GALNT17: variants seen among roughly 807,000 people sequenced by gnomAD.
GALNT17 encodes the protein UDP-GalNAc:polypeptide N-acetylgalactosaminyltransferase-like 3.
In GALNT17, 29 loss-of-function variants were observed where a neutral mutation model predicts 63.7. That is an observed-to-expected ratio of 0.46 (90% CI 0.34 to 0.62). The LOEUF is 0.62. Ranked by LOEUF, GALNT17 falls within the 20% of genes least tolerant of loss-of-function variation. The pLI, the probability that GALNT17 is intolerant of heterozygous loss-of-function variation, is 0.01. For synonymous variants in GALNT17, 305 were observed against 318.3 expected, an observed-to-expected ratio of 0.96 and a Z score of 0.45; for missense variants, 603 against 799.6, an observed-to-expected ratio of 0.75 and a Z score of 2.97.
intron 1 of GALNT17, among the ~76,000 whole-genome samples, chr7:71,330,967 G>A (rs2116062858): frequency 6.6e-6 from 1 of 152,214 alleles, no homozygotes; most frequent in South Asian, 2.1e-4. Context: ...TGCTTGTCCT[G>A]ATGGCAGTGA....
chr7:71,691,910 CTCTT>C (rs1316882528), intron 9 of GALNT17, among the ~76,000 whole-genome samples: 2 of 149,022 alleles, frequency 1.3e-5, no homozygotes, highest in Non-Finnish European at 3.0e-5. Flanking sequence ...CTCTCTTTCT[CTCTT>C]TCTTTTTTTC....
At chr7:71,613,491 A>G (rs1209547134) in intron 6 of GALNT17, among the ~76,000 whole-genome samples, 2 of 152,150 alleles carry the variant, frequency 1.3e-5, no homozygotes, top group Admixed American at 1.3e-4. Flanking sequence ...CACTCTGCAG[A>G]CGTTTCAGCC....
rs770069964 is a variant in GALNT17 at position 71,414,983 on chromosome 7, C to CTCT, written c.590-905_590-904insCTT. On this transcript the variant is annotated intron_variant, in intron 3 of 10. Transcript: ENST00000333538. The stretch of plus-strand genomic sequence containing the variant: ...TGATTTTTATGCACACAAAGTATCA[C>CTCT]TTTTTTTTTTTAAATGCCTTTAGTT... Among the ~76,000 whole-genome samples the CTCT allele has an allele frequency of 3.3e-4, 39 of 117,534 alleles. 3 individuals carry two copies. In the East Asian group the frequency reaches 3.5e-3, roughly 10 times the overall value. 77.1% of individuals were successfully genotyped at this position (117,534 alleles called of 152,430 possible).
intron 5 of GALNT17, among the ~76,000 whole-genome samples, chr7:71,507,289 C>T (rs1027452127): frequency 1.3e-5 from 2 of 152,176 alleles, no homozygotes; most frequent in African/African-American, 4.8e-5. Context: ...ACCAAAAAGT[C>T]TACTGTTAAG....
At chr7:71,525,458 G>A (rs1021782437) in intron 5 of GALNT17, among the ~76,000 whole-genome samples, 1 of 151,918 alleles carries the variant, frequency 6.6e-6, no homozygotes, top group African/African-American at 2.4e-5. Context: ...TGCCCTCCTC[G>A]GCCTCCCAAA....
chr7:71,373,558 G>A (rs757791468), intron 2 of GALNT17, among the ~76,000 whole-genome samples: 2 of 152,246 alleles, frequency 1.3e-5, no homozygotes, highest in Admixed American at 6.5e-5. Context: ...GTGAGCAAGC[G>A]AAGCTTCACC....
At chr7:71,178,122 T>C (rs1029540183) in intron 1 of GALNT17, among the ~76,000 whole-genome samples, 1 of 152,098 alleles carries the variant, frequency 6.6e-6, no homozygotes, top group African/African-American at 2.4e-5. Flanking sequence ...ATTCTCTAAT[T>C]TTCTTTATTT....
Position 71,693,305 on chromosome 7 carries a change from C to CATATATATATATATAT in GALNT17, c.1500+16000_1500+16001insTATATATATATATATA, listed in dbSNP as rs1375479092. Among the ~76,000 whole-genome samples, 13 of 126,076 alleles carry CATATATATATATATAT rather than the reference C, an allele frequency of 1.0e-4. 1 individual carries two copies. The South Asian group carries it at 1.4e-3, about 14-fold the overall frequency. The allele number at this position is 126,076 out of a possible 152,430, so 82.7% of individuals were successfully genotyped here. A position where few individuals can be genotyped will look rare whatever the true frequency, so the allele number is the denominator to read the frequency against. On this transcript the variant is annotated intron_variant, in intron 9 of 10. Transcript: ENST00000333538. ...ACACACACACACACACACACACACACACACATATATATATATGGAGACAAG... is the reference window on the plus strand; with the variant it reads ...ACACACACACACACACACACACACACATATATATATATATATACACATATATATATATGGAGACAAG...
intron 5 of GALNT17, among the ~76,000 whole-genome samples, chr7:71,481,896 C>A (rs78146280): frequency 0.041 from 6,279 of 152,160 alleles, 146 homozygotes; most frequent in South Asian, 0.12. Flanking sequence ...CCGTCATTTC[C>A]CCTTCCTGGC....
intron 5 of GALNT17, among the ~76,000 whole-genome samples, chr7:71,472,508 G>A (rs188857113): frequency 7.9e-5 from 12 of 152,092 alleles, no homozygotes; most frequent in Non-Finnish European, 1.2e-4. Context: ...CCAACATGGT[G>A]AAACCCCGTG....
At chr7:71,666,108 C>T (rs78017483) in intron 7 of GALNT17, among the ~76,000 whole-genome samples, 7,671 of 152,092 alleles carry the variant, frequency 0.05, 295 homozygotes, top group East Asian at 0.16. Context: ...TGTATATTAG[C>T]GTGGTTTGAA....
intron 9 of GALNT17, among the ~76,000 whole-genome samples, chr7:71,683,825 T>A (rs570579967): frequency 3.9e-5 from 6 of 152,008 alleles, no homozygotes; most frequent in African/African-American, 1.4e-4. Flanking sequence ...CTGGCCAACA[T>A]GATGAAACCT....
At chr7:71,219,360 T>C (rs936801810) in intron 1 of GALNT17, among the ~76,000 whole-genome samples, 3 of 152,214 alleles carry the variant, frequency 2.0e-5, no homozygotes, top group African/African-American at 7.2e-5. Flanking sequence ...TGGTTTACTT[T>C]CTCAGAATCT....
intron 1 of GALNT17, among the ~76,000 whole-genome samples, chr7:71,194,126 G>A (rs552590118): frequency 9.2e-5 from 14 of 152,192 alleles, no homozygotes; most frequent in African/African-American, 3.4e-4. Context: ...GGTCACTGCA[G>A]CCTTGACCTC....
chr7:71,136,821 C>G (rs1252373730), intron 1 of GALNT17, among the ~76,000 whole-genome samples: 1 of 148,162 alleles, frequency 6.7e-6, no homozygotes, highest in East Asian at 2.0e-4. Context: ...GAGTCTCACT[C>G]TGTCACTCAG....
chr7:71,216,667 TAC>T (rs1464963003), intron 1 of GALNT17, among the ~76,000 whole-genome samples: 2 of 133,108 alleles, frequency 1.5e-5, no homozygotes, highest in Admixed American at 7.4e-5. Flanking sequence ...TACACATATA[TAC>T]ACACAGACAC....
intron 9 of GALNT17, among the ~76,000 whole-genome samples, chr7:71,700,532 G>A (rs1791616067): frequency 6.6e-6 from 1 of 152,068 alleles, no homozygotes; most frequent in Non-Finnish European, 1.5e-5. Context: ...ACTCCATCTA[G>A]TGGAGTCTCA....
At chr7:71,535,964 C>T (rs751618127) in intron 5 of GALNT17, among the ~76,000 whole-genome samples, 1 of 152,102 alleles carries the variant, frequency 6.6e-6, no homozygotes, top group African/African-American at 2.4e-5. Context: ...AACACTGGAG[C>T]GGTGTCTATA....
chr7:71,428,157 T>C (rs1219470920), intron 5 of GALNT17, among the ~76,000 whole-genome samples: 2 of 152,158 alleles, frequency 1.3e-5, no homozygotes, highest in Non-Finnish European at 2.9e-5. Context: ...AATAAGAACA[T>C]TCCCAGTGTT....
Sources: gnomAD v4.1 joint callset for allele counts (sites outside exome capture counted in the v4.1 genomes callset) on GRCh38, gnomAD v4.1.1 for gene constraint, MANE v1.5 for transcripts, NCBI Gene and HGNC (gene_info 2026-07-23, HGNC 2026-07-21) for gene names.